The following CD1D variants were observed in gnomAD, a reference collection of about 807,000 sequenced individuals.
CD1D encodes the protein CD1d molecule.
CD1D carries 40 observed loss-of-function variants against 42.1 expected under a neutral mutation model. That is an observed-to-expected ratio of 0.95 (90% CI 0.74 to 1.24). CD1D has a LOEUF of 1.24. CD1D is among the 50% of genes most tolerant of loss of function. The pLI is 0.00. For missense variants in CD1D, 437 were observed against 416.5 expected, an observed-to-expected ratio of 1.05 and a Z score of -0.43; for synonymous variants, 178 against 171.8, an observed-to-expected ratio of 1.04 and a Z score of -0.28.
upstream of CD1D, among the ~76,000 whole-genome samples, chr1:158,179,313 A>C (rs1282927940): frequency 6.6e-6 from 1 of 152,162 alleles, no homozygotes; most frequent in Non-Finnish European, 1.5e-5. Flanking sequence ...TTTTTGGGCA[A>C]ATTACACATA....
In CD1D at chr1:158,182,035, C is replaced by A; in HGVS notation, c.332C>A (p.Pro111His). 6.2e-7 allele frequency: 1 copy of A among 1,604,812 alleles called. No individual in the cohort carries two copies. The highest frequency in any genetic ancestry group is 1.1e-5 in the South Asian group (1 of 89,874). The stretch of plus-strand genomic sequence containing the variant: ...CTTTCTCCATTCCTCTCCACAGATC[C>A]CTTGGAGCTCCAGGTGTCCGCTGGC... ...EFAKMLRLSY[P>H]LELQVSAGCE... The change falls in exon 3 of 6, where the codon CCC (proline) becomes CAC (histidine). Residue 111 changes from proline (P) to histidine (H), a missense_variant. Coordinates refer to ENST00000674085, the MANE Select transcript of CD1D (RefSeq NM_001371762.2).
At chr1:158,179,230 C>A (rs1164809628), upstream of CD1D, among the ~76,000 whole-genome samples, 1 of 152,132 alleles carries the variant, frequency 6.6e-6, no homozygotes, top group African/African-American at 2.4e-5. Flanking sequence ...ATTATTTAGG[C>A]AATTTTGTAT....
chr1:158,179,844 A>G (rs1016119642), upstream of CD1D: 3 of 152,288 alleles, frequency 2.0e-5, no homozygotes, highest in African/African-American at 7.2e-5. Context: ...GCTAACAGCC[A>G]GGCTACAGTA....
chr1:158,178,231 A>G (rs1225998817), upstream of CD1D, among the ~76,000 whole-genome samples: 3 of 152,222 alleles, frequency 2.0e-5, no homozygotes, highest in African/African-American at 7.2e-5. Flanking sequence ...TGCTCTGAAT[A>G]AAGACTATGA....
rs1031969663 is a variant in CD1D, at chr1:158,184,044, C to T, written c.986+9C>T. 1 of 1,613,440 alleles carries T rather than the reference C, an allele frequency of 6.2e-7. No individual in the cohort carries two copies. The highest frequency in any genetic ancestry group is 8.5e-7 in the Non-Finnish European group (1 of 1,179,474). ...CGGTTTAAGAGGCAAACGTAAGTCT[C>T]CCCTTTCCCTTTCCTCAACCTCTCT... On this transcript the variant is annotated intron_variant, in intron 5 of 5. Transcript: ENST00000674085.
In CD1D at chr1:158,181,505, AATAG is replaced by A. The variant is rs1558043603; in HGVS notation, c.113_116del (p.Asn38ThrfsTer30). On this transcript the variant is annotated frameshift_variant, in exon 2 of 6. Coordinates refer to ENST00000674085, the MANE Select transcript of CD1D (RefSeq NM_001371762.2). LOFTEE classifies it high-confidence loss of function. ...CTGCCTCCAGATCTCGTCCTTCGCC[AATAG>A]CAGCTGGACGCGCACCGACGGCTTG... The A allele has an allele frequency of 3.1e-6, 5 of 1,614,080 alleles. No homozygotes were observed. The highest frequency in any genetic ancestry group is 4.2e-6 in the Non-Finnish European group (5 of 1,180,006).
At position 158,180,999 on chromosome 1, in the gene CD1D, G is replaced by T; in HGVS notation, c.-103G>T. On this transcript the variant is annotated 5_prime_UTR_variant, in exon 1 of 6. Coordinates refer to ENST00000674085, the MANE Select transcript of CD1D (RefSeq NM_001371762.2). ...GGGGTCTGGGCTTGGGAATTGGCTG[G>T]CACCCAGCGGAAAGGGACGTGAGCT... 1 of 1,096,344 alleles carries T rather than the reference G, an allele frequency of 9.1e-7. No homozygotes were observed. The highest frequency in any genetic ancestry group is 2.9e-5 in the Admixed American group (1 of 34,276). The allele number at this position is 1,096,344 out of a possible 1,614,324, so 67.9% of individuals were successfully genotyped here. A position where few individuals can be genotyped will look rare whatever the true frequency, so the allele number is the denominator to read the frequency against.
upstream of CD1D, among the ~76,000 whole-genome samples, chr1:158,178,398 T>C (rs573807330): frequency 3.3e-5 from 5 of 152,308 alleles, no homozygotes; most frequent in African/African-American, 1.2e-4. Flanking sequence ...TGATGTGTCC[T>C]CTCAAGAATC....
chr1:158,184,268 ACCTTG>A lies in CD1D; in HGVS notation c.*119_*123del. 1 of 1,025,074 alleles carries A rather than the reference ACCTTG, an allele frequency of 9.8e-7. No individual in the cohort carries two copies. The highest frequency in any genetic ancestry group is 1.6e-5 in the African/African-American group (1 of 62,604). The allele number at this position is 1,025,074 out of a possible 1,614,324, so 63.5% of individuals were successfully genotyped here. On this transcript the variant is annotated 3_prime_UTR_variant, in exon 6 of 6. Coordinates refer to ENST00000674085, the MANE Select transcript of CD1D (RefSeq NM_001371762.2). ...GTAAGGAATTGAAGATAGGAGAGATACCTTGAAAAAGTAGAGAACAGTCATGAGGC... is the reference window on the plus strand; with the variant it reads ...GTAAGGAATTGAAGATAGGAGAGATAAAAAAGTAGAGAACAGTCATGAGGC...
Position 158,182,399 on chromosome 1 carries a change from A to C in CD1D, c.607+89A>C, listed in dbSNP as rs749778120. 9 of 1,463,870 alleles carry C rather than the reference A, an allele frequency of 6.1e-6. No homozygotes were observed. The African/African-American group carries it at 1.3e-4, about 20-fold the overall frequency. The allele number at this position is 1,463,870 out of a possible 1,614,324, so 90.7% of individuals were successfully genotyped here. ...AGGGTTCTCATCCCTTTGAGCATTC[A>C]AAGAAGAGGAAGGCCCAGGAGGGGC... is the stretch of plus-strand genomic sequence containing the variant. On this transcript the variant is annotated intron_variant, in intron 3 of 5. Coordinates refer to ENST00000674085, the MANE Select transcript of CD1D (RefSeq NM_001371762.2).
At chr1:158,178,219 T>C (rs1272865603), upstream of CD1D, among the ~76,000 whole-genome samples, 1 of 152,244 alleles carries the variant, frequency 6.6e-6, no homozygotes, top group Non-Finnish European at 1.5e-5. Context: ...TGATCACCAT[T>C]ATGCTCTGAA....
At position 158,180,974 on chromosome 1, in the gene CD1D, G is replaced by C. The variant is rs1219744007; in HGVS notation, c.-128G>C. ...GGCAAGCCCAGCGAGGAGGGCTGCC[G>C]GGGTCTGGGCTTGGGAATTGGCTGG... On this transcript the variant is annotated 5_prime_UTR_variant, in exon 1 of 6. Transcript: ENST00000674085. 6.2e-6 allele frequency: 5 copies of C among 802,898 alleles called. No individual in the cohort carries two copies. In the African/African-American group the frequency reaches 7.0e-5, roughly 11 times the overall value. 49.7% of individuals were successfully genotyped at this position (802,898 alleles called of 1,614,324 possible).
chr1:158,179,743 G>C (rs979184888), upstream of CD1D, among the ~76,000 whole-genome samples: 1 of 152,152 alleles, frequency 6.6e-6, no homozygotes, highest in Non-Finnish European at 1.5e-5. Context: ...GAGGGGGTGA[G>C]GTGAGGAGAA....
At position 158,182,876 on chromosome 1, in the gene CD1D, A is replaced by T; in HGVS notation, c.608-2A>T. 1 of 1,602,268 alleles carries T rather than the reference A, an allele frequency of 6.2e-7. No individual in the cohort carries two copies. The highest frequency in any genetic ancestry group is 8.5e-7 in the Non-Finnish European group (1 of 1,173,308). The stretch of plus-strand genomic sequence containing the variant: ...TCCCCCCCATTCCCTTGTTGGATAC[A>T]GTGAAGCCCAAGGCCTGGCTGTCCC... On this transcript the variant is annotated splice_acceptor_variant, in intron 3 of 5. Transcript: ENST00000674085. LOFTEE classifies it high-confidence loss of function.
chr1:158,182,245 A>G lies in CD1D; in HGVS notation c.542A>G (p.Asn181Ser), dbSNP rs1197239916. The G allele has an allele frequency of 1.9e-6, 3 of 1,614,134 alleles. No individual in the cohort carries two copies. Among genetic ancestry groups the G allele is most frequent in the Non-Finnish European group, 2.5e-6 (3 of 1,180,002 alleles). The part of the protein sequence containing the change: ...WTRETVQWLL[N>S]GTCPQFVSGL... ...AGGGAAACAGTGCAGTGGCTCCTTA[A>G]TGGCACCTGCCCCCAATTTGTCAGT... Residue 181 changes from asparagine to serine, a missense_variant, in exon 3 of 6, where the codon AAT (asparagine) becomes AGT (serine). Asn to Ser is a conservative substitution (Grantham distance 46, BLOSUM62 1). Coordinates refer to ENST00000674085, the MANE Select transcript of CD1D (RefSeq NM_001371762.2).
In CD1D at chr1:158,181,120, C is replaced by A. The variant is rs746264656; in HGVS notation, c.19C>A (p.Leu7Met). The stretch of plus-strand genomic sequence containing the variant: ...GGGCGATATGGGGTGCCTGCTGTTT[C>A]TGCTGCTCTGGGCGCTCCTCCAGGC... Reference protein sequence around the residue: MGCLLFLLLWALLQAWG... With the variant: MGCLLFMLLWALLQAWG... The change falls in exon 1 of 6, where the codon CTG becomes ATG. Residue 7 changes from leucine (L) to methionine (M), a missense_variant. By Grantham distance (15) the Leu-to-Met change is conservative. Coordinates refer to ENST00000674085, the MANE Select transcript of CD1D (RefSeq NM_001371762.2). 1.9e-6 allele frequency: 3 copies of A among 1,547,234 alleles called. No individual in the cohort carries two copies. The South Asian group carries it at 3.6e-5, about 18-fold the overall frequency.
At chr1:158,183,906 T>G in intron 4 of CD1D, 30 bp from the exon 5 acceptor site, 1 of 1,567,378 alleles carries the variant, frequency 6.4e-7, no homozygotes, top group Non-Finnish European at 8.8e-7. Flanking sequence ...GGTCCTGTGC[T>G]GAGAGACAGC....
Position 158,181,035 on chromosome 1 carries a change from G to A in CD1D, c.-67G>A. On this transcript the variant is annotated 5_prime_UTR_variant, in exon 1 of 6. Coordinates refer to ENST00000674085, the MANE Select transcript of CD1D (RefSeq NM_001371762.2). ...AAAGGGACGTGAGCTGAGCGGCGGG[G>A]GAGAAGAGTGCGCAGGTCAGAGGGC... The A allele has an allele frequency of 2.9e-6, 4 of 1,373,570 alleles. No homozygotes were observed. Among genetic ancestry groups the A allele is most frequent in the Non-Finnish European group, 3.9e-6 (4 of 1,018,604 alleles). 85.1% of individuals were successfully genotyped at this position (1,373,570 alleles called of 1,614,324 possible). A position where few individuals can be genotyped will look rare whatever the true frequency, so the allele number is the denominator to read the frequency against.
At position 158,181,060 on chromosome 1, in the gene CD1D, C is replaced by G; in HGVS notation, c.-42C>G. On this transcript the variant is annotated 5_prime_UTR_variant, in exon 1 of 6. Transcript: ENST00000674085. ...GGAGAAGAGTGCGCAGGTCAGAGGG[C>G]GGCGCGCAGCGGCGCTCCGCGAGGT... The G allele has an allele frequency of 6.6e-7, 1 of 1,508,992 alleles. No homozygotes were observed. The highest frequency in any genetic ancestry group is 2.1e-5 in the Admixed American group (1 of 48,640). The allele number at this position is 1,508,992 out of a possible 1,614,324, so 93.5% of individuals were successfully genotyped here.
Sources: allele counts gnomAD v4.1 joint callset (sites outside exome capture counted in the v4.1 genomes callset), GRCh38; gene constraint gnomAD v4.1.1; transcripts MANE v1.5; gene names NCBI Gene and HGNC (gene_info 2026-07-23, HGNC 2026-07-21).